Variants in WWOX observed in about 807,000 individuals in gnomAD.
The protein encoded by WWOX is WW domain containing oxidoreductase.
WWOX carries 69 observed loss-of-function variants against 46.2 expected under a neutral mutation model. The ratio of observed to expected loss-of-function variants is 1.49; its 90% CI spans 1.23 to 1.82. The LOEUF is 1.82. Among genes scored for constraint, WWOX ranks in the 40% most tolerant of loss-of-function variants. The probability of loss-of-function intolerance (pLI) is 0.00; values close to 1 mark genes in which losing one functional copy is unlikely to be tolerated. For synonymous variants in WWOX, 359 were observed against 202.6 expected, an observed-to-expected ratio of 1.77 and a Z score of -6.56; for missense variants, 919 against 542.6, an observed-to-expected ratio of 1.69 and a Z score of -6.89.
At chr16:78,307,452 A>G (rs1031870454) in intron 5 of WWOX, among the ~76,000 whole-genome samples, 5 of 152,168 alleles carry the variant, frequency 3.3e-5, no homozygotes, top group African/African-American at 1.2e-4. Flanking sequence ...GGGGACTGTG[A>G]CTACGAAAGA....
intron 5 of WWOX, among the ~76,000 whole-genome samples, chr16:78,333,767 C>T (rs973727863): frequency 6.6e-6 from 1 of 152,012 alleles, no homozygotes; most frequent in African/African-American, 2.4e-5. Context: ...CAAACGTGAC[C>T]CAAAGTTTTG....
intron 5 of WWOX, among the ~76,000 whole-genome samples, chr16:78,359,330 C>T (rs1047707592): frequency 2.0e-5 from 3 of 152,098 alleles, no homozygotes; most frequent in Admixed American, 2.0e-4. Flanking sequence ...ACATAAAAAC[C>T]TCTAAAGCTC....
chr16:78,681,618 A>T (rs569043235), intron 8 of WWOX, among the ~76,000 whole-genome samples: 12 of 151,854 alleles, frequency 7.9e-5, no homozygotes, highest in African/African-American at 2.2e-4. Flanking sequence ...ATCTCTAGGG[A>T]CAGACCGAGG....
chr16:78,628,777 C>T (rs1010769248), intron 8 of WWOX, among the ~76,000 whole-genome samples: 2 of 152,102 alleles, frequency 1.3e-5, no homozygotes, highest in African/African-American at 2.4e-5. Flanking sequence ...AGAGGAGAGA[C>T]CTTTGGAAAA....
At chr16:78,536,231 C>G (rs1197509039) in intron 8 of WWOX, among the ~76,000 whole-genome samples, 4 of 152,070 alleles carry the variant, frequency 2.6e-5, no homozygotes, top group African/African-American at 9.7e-5. Context: ...TTGCCCCCAC[C>G]AAAATGAAGT....
chr16:78,438,142 A>G (rs151059409), intron 8 of WWOX, among the ~76,000 whole-genome samples: 1,695 of 152,318 alleles, frequency 0.011, 88 homozygotes, highest in Admixed American at 0.088. Flanking sequence ...CCCAGATACC[A>G]CGATGCTTTA....
chr16:78,739,634 A>C (rs28616010), intron 8 of WWOX, among the ~76,000 whole-genome samples: 32,760 of 151,976 alleles, frequency 0.22, 4,642 homozygotes, highest in African/African-American at 0.39. Flanking sequence ...AACACGGATA[A>C]ACCTCGTCTC....
At chr16:78,625,101 C>G (rs1333144788) in intron 8 of WWOX, among the ~76,000 whole-genome samples, 1 of 152,190 alleles carries the variant, frequency 6.6e-6, no homozygotes, top group African/African-American at 2.4e-5. Context: ...CCCAAGCTGT[C>G]TGAAGTCTTG....
intron 8 of WWOX, among the ~76,000 whole-genome samples, chr16:79,098,610 T>G (rs2049126480): frequency 6.6e-6 from 1 of 152,220 alleles, no homozygotes; most frequent in Non-Finnish European, 1.5e-5. Flanking sequence ...GCGTTTTCTT[T>G]TGTTAAAGAG....
intron 5 of WWOX, among the ~76,000 whole-genome samples, chr16:78,366,607 G>A (rs144570071): frequency 6.6e-6 from 1 of 152,202 alleles, no homozygotes; most frequent in Non-Finnish European, 1.5e-5. Flanking sequence ...TGTAATTAAA[G>A]TTTTACTGGA....
intron 8 of WWOX, among the ~76,000 whole-genome samples, chr16:78,951,771 G>T (rs2046065251): frequency 6.6e-6 from 1 of 152,296 alleles, no homozygotes; most frequent in African/African-American, 2.4e-5. Flanking sequence ...CATACTTACA[G>T]TTGTGAAGGG....
At chr16:78,664,706 G>C (rs937629718) in intron 8 of WWOX, among the ~76,000 whole-genome samples, 1 of 152,170 alleles carries the variant, frequency 6.6e-6, no homozygotes, top group Non-Finnish European at 1.5e-5. Context: ...GAAACTCTGT[G>C]TGCCCATCCA....
chr16:78,724,392 T>A (rs938092289), intron 8 of WWOX, among the ~76,000 whole-genome samples: 1 of 152,208 alleles, frequency 6.6e-6, no homozygotes, highest in Non-Finnish European at 1.5e-5. Context: ...TTTCCTTCAT[T>A]CCTGCTTTTC....
At chr16:79,034,462 A>G (rs976399408) in intron 8 of WWOX, among the ~76,000 whole-genome samples, 1 of 152,180 alleles carries the variant, frequency 6.6e-6, no homozygotes, top group African/African-American at 2.4e-5. Flanking sequence ...ATTTTCTTAA[A>G]CAGCTGCATC....
intron 6 of WWOX, among the ~76,000 whole-genome samples, chr16:78,409,276 T>C (rs753543886): frequency 6.6e-6 from 1 of 152,186 alleles, no homozygotes; most frequent in Non-Finnish European, 1.5e-5. Flanking sequence ...CTATGAATTA[T>C]GACAAACACA....
chr16:78,751,652 A>G (rs1330279743), intron 8 of WWOX, among the ~76,000 whole-genome samples: 6 of 151,848 alleles, frequency 4.0e-5, no homozygotes, highest in African/African-American at 1.5e-4. Flanking sequence ...TTGATATTAA[A>G]CAATACTCCA....
At chr16:79,142,359 G>A (rs72797418) in intron 8 of WWOX, among the ~76,000 whole-genome samples, 1,646 of 152,246 alleles carry the variant, frequency 0.011, 20 homozygotes, top group Middle Eastern at 0.017. Flanking sequence ...GCACCAGCAG[G>A]AGCCAATGAT....
intron 8 of WWOX, among the ~76,000 whole-genome samples, chr16:79,162,397 C>T (rs1025402076): frequency 1.3e-5 from 2 of 152,114 alleles, no homozygotes; most frequent in African/African-American, 4.8e-5. Flanking sequence ...CTCTCTTGTC[C>T]CTGGTTGCCT....
intron 5 of WWOX, among the ~76,000 whole-genome samples, chr16:78,296,506 A>G (rs2079946276): frequency 1.3e-5 from 2 of 150,460 alleles, no homozygotes; most frequent in South Asian, 4.2e-4. Context: ...TCATATATAT[A>G]TGTATATATA....
Sources: gnomAD v4.1 joint callset for allele counts (sites outside exome capture counted in the v4.1 genomes callset) on GRCh38, gnomAD v4.1.1 for gene constraint, MANE v1.5 for transcripts, NCBI Gene and HGNC (gene_info 2026-07-23, HGNC 2026-07-21) for gene names.